The following CNTN5 variants were observed in gnomAD, a reference collection of about 807,000 sequenced individuals.
CNTN5 encodes the protein contactin 5, also known as contactin-5.
Under a neutral mutation model 129.1 loss-of-function variants are expected in CNTN5, and 77 were observed. The ratio of observed to expected loss-of-function variants is 0.60; its 90% CI spans 0.50 to 0.72. CNTN5 has a LOEUF of 0.72. Among genes scored for constraint, CNTN5 ranks in the 30% least tolerant of loss-of-function variants. CNTN5 has a pLI of 0.00. For missense variants in CNTN5, 1,478 were observed against 1,328.8 expected (o/e 1.11, Z -1.75); for synonymous variants, 509 against 465.6 (o/e 1.09, Z -1.20).
chr11:99,909,926 C>T (rs1440061903), intron 6 of CNTN5, among the ~76,000 whole-genome samples: 2 of 151,672 alleles, frequency 1.3e-5, no homozygotes, highest in Non-Finnish European at 2.9e-5. Flanking sequence ...CAAACCTGCA[C>T]GTTGTGCACA....
At position 99,259,556 on chromosome 11, in the gene CNTN5, G is replaced by A. The variant is rs552356581; in HGVS notation, c.-209-65790G>A. ...AACTCACAGGTTTTTCAACTGATAG[G>A]CATGGTCTTTGTTTTGACATGTTTT... On this transcript the variant is annotated intron_variant, in intron 1 of 24. Coordinates refer to ENST00000524871, the MANE Select transcript of CNTN5 (RefSeq NM_014361.4). Among the ~76,000 whole-genome samples the A allele has an allele frequency of 1.7e-4, 26 of 151,830 alleles. 1 individual carries two copies. The South Asian group carries it at 5.0e-3, about 29-fold the overall frequency.
chr11:99,984,463 A>G (rs1454995393), intron 8 of CNTN5, among the ~76,000 whole-genome samples: 1 of 151,702 alleles, frequency 6.6e-6, no homozygotes, highest in African/African-American at 2.4e-5. Flanking sequence ...GGAATTAGAG[A>G]AGGTTGTTTT....
intron 8 of CNTN5, among the ~76,000 whole-genome samples, chr11:100,001,560 A>G (rs1939878415): frequency 6.6e-6 from 1 of 152,190 alleles, no homozygotes; most frequent in South Asian, 2.1e-4. Context: ...TCTCTCTTTA[A>G]GAATATAGTT....
At chr11:99,723,248 C>A (rs1943231011) in intron 3 of CNTN5, among the ~76,000 whole-genome samples, 1 of 152,036 alleles carries the variant, frequency 6.6e-6, no homozygotes, top group South Asian at 2.1e-4. Context: ...TCCACATTAG[C>A]CAAACTTGTA....
chr11:99,387,735 C>G (rs911392109), intron 2 of CNTN5, among the ~76,000 whole-genome samples: 31 of 152,128 alleles, frequency 2.0e-4, no homozygotes, highest in African/African-American at 7.2e-4. Flanking sequence ...ACCCTTCCTG[C>G]TCTCCTCTCT....
chr11:99,140,584 AATGCTTCCAGG>A (rs1254770019), intron 1 of CNTN5, among the ~76,000 whole-genome samples: 1 of 152,002 alleles, frequency 6.6e-6, no homozygotes, highest in Admixed American at 6.6e-5. Context: ...TCTCAAGGGG[AATGCTTCCAGG>A]ATGTGTCCAT....
At chr11:99,349,990 G>T (rs1938175731) in intron 2 of CNTN5, among the ~76,000 whole-genome samples, 1 of 151,986 alleles carries the variant, frequency 6.6e-6, no homozygotes, top group South Asian at 2.1e-4. Flanking sequence ...TAGAATGAAG[G>T]TGATAGAAGG....
At chr11:99,559,840 A>G (rs1008466107) in intron 3 of CNTN5, among the ~76,000 whole-genome samples, 1 of 152,242 alleles carries the variant, frequency 6.6e-6, no homozygotes, top group Admixed American at 6.5e-5. Context: ...GGAATTCTAT[A>G]CAATGGAATA....
chr11:99,425,193 C>T (rs756750809), intron 2 of CNTN5, among the ~76,000 whole-genome samples: 1 of 152,152 alleles, frequency 6.6e-6, no homozygotes, highest in Non-Finnish European at 1.5e-5. Context: ...CATGGGTGGC[C>T]ATAGGCAGAC....
At chr11:99,659,590 G>A (rs961342865) in intron 3 of CNTN5, among the ~76,000 whole-genome samples, 1 of 152,130 alleles carries the variant, frequency 6.6e-6, no homozygotes, top group African/African-American at 2.4e-5. Context: ...TGTGGAGTAG[G>A]CTGGCAGGCT....
chr11:99,598,621 C>CT (rs61241880), intron 3 of CNTN5, among the ~76,000 whole-genome samples: 25,601 of 145,328 alleles, frequency 0.18, 2,347 homozygotes, highest in Non-Finnish European at 0.2. Context: ...AAAAAGATAG[C>CT]TTTTTTTTTT....
chr11:99,157,763 ACTAC>A (rs1860405170), intron 1 of CNTN5, among the ~76,000 whole-genome samples: 2 of 152,152 alleles, frequency 1.3e-5, no homozygotes. Context: ...ACTACTACTC[ACTAC>A]CTATTACCTG....
At position 100,308,461 on chromosome 11, in the gene CNTN5, G is replaced by T; in HGVS notation, c.2723G>T (p.Gly908Val). 1 of 1,609,994 alleles carries T rather than the reference G, an allele frequency of 6.2e-7. No individual in the cohort carries two copies. The highest frequency in any genetic ancestry group is 8.5e-7 in the Non-Finnish European group (1 of 1,177,374). ...AAAGAGAGTCTAGGAAGACCACAGG[G>T]ATTTGAGGTATGAACAGAATGATTG... ...HIKESLGRPQGFEVGYWKDME... is the reference protein window; with the variant it reads ...HIKESLGRPQVFEVGYWKDME... Residue 908 changes from glycine to valine, a missense_variant, in exon 21 of 25, where the codon GGA becomes GTA. Gly to Val is a moderately radical substitution (Grantham distance 109). Transcript: ENST00000524871.
intron 1 of CNTN5, among the ~76,000 whole-genome samples, chr11:99,022,661 C>A (rs2135054089): frequency 6.6e-6 from 1 of 151,790 alleles, no homozygotes; most frequent in South Asian, 2.1e-4. Context: ...ATAAAAAGAT[C>A]ATCTAAGTCC....
chr11:100,122,621 G>T (rs994365493), intron 13 of CNTN5, among the ~76,000 whole-genome samples: 2 of 152,026 alleles, frequency 1.3e-5, no homozygotes, highest in Non-Finnish European at 2.9e-5. Context: ...GTCTGGGGAG[G>T]ATGCTCTTAA....
At chr11:99,836,138 T>A (rs1490773243) in intron 4 of CNTN5, among the ~76,000 whole-genome samples, 1 of 151,386 alleles carries the variant, frequency 6.6e-6, no homozygotes, top group African/African-American at 2.4e-5. Context: ...TTTTTTTTTT[T>A]AATTTTTCTT....
intron 2 of CNTN5, among the ~76,000 whole-genome samples, chr11:99,361,641 C>T (rs1939118185): frequency 6.6e-6 from 1 of 152,062 alleles, no homozygotes; most frequent in Non-Finnish European, 1.5e-5. Context: ...AATGACTTCC[C>T]AATTTCTTTT....
chr11:100,339,720 G>A (rs1286789682), intron 21 of CNTN5, among the ~76,000 whole-genome samples: 1 of 152,098 alleles, frequency 6.6e-6, no homozygotes, highest in Non-Finnish European at 1.5e-5. Context: ...ATGGGAGAAA[G>A]CTACTCTTTG....
chr11:99,760,065 T>A (rs1944528954), intron 3 of CNTN5, among the ~76,000 whole-genome samples: 1 of 152,056 alleles, frequency 6.6e-6, no homozygotes, highest in African/African-American at 2.4e-5. Flanking sequence ...AACCAGAATA[T>A]GTAGTAGTGA....
Sources: allele counts gnomAD v4.1 joint callset (sites outside exome capture counted in the v4.1 genomes callset), GRCh38; gene constraint gnomAD v4.1.1; transcripts MANE v1.5; gene names NCBI Gene and HGNC (gene_info 2026-07-23, HGNC 2026-07-21).